IL23R: variants seen among roughly 807,000 people sequenced by gnomAD.
The protein encoded by IL23R is interleukin 23 receptor.
A neutral mutation model predicts 56.9 loss-of-function variants in IL23R; 34 were observed. The ratio of observed to expected loss-of-function variants is 0.60; its 90% CI spans 0.45 to 0.80. IL23R has a LOEUF of 0.80. Ranked by LOEUF, IL23R falls within the 30% of genes least tolerant of loss-of-function variation. The pLI, the probability that IL23R is intolerant of heterozygous loss-of-function variation, is 0.00. For missense variants in IL23R, 635 were observed against 730.0 expected (o/e 0.87, Z 1.50); for synonymous variants, 230 against 249.2 (o/e 0.92, Z 0.73).
chr1:67,166,011 A>G (rs781769725), upstream of IL23R, among the ~76,000 whole-genome samples: 36 of 152,222 alleles, frequency 2.4e-4, no homozygotes, highest in Non-Finnish European at 4.3e-4. Context: ...AACTAACTTG[A>G]TTGTATAATA....
chr1:67,150,656 A>G (rs1646720473), intron 1 of IL23R, among the ~76,000 whole-genome samples: 1 of 146,128 alleles, frequency 6.8e-6, no homozygotes, highest in African/African-American at 2.5e-5. Flanking sequence ...TTAAAGTAAA[A>G]AAAAAAAAAA....
chr1:67,217,485 A>G (rs757776995), intron 6 of IL23R, among the ~76,000 whole-genome samples: 1 of 152,060 alleles, frequency 6.6e-6, no homozygotes, highest in Non-Finnish European at 1.5e-5. Context: ...TTATCTATAA[A>G]TGTAATGGCA....
At chr1:67,188,318 C>T (rs1473064573) in intron 4 of IL23R, among the ~76,000 whole-genome samples, 1 of 152,164 alleles carries the variant, frequency 6.6e-6, no homozygotes, top group Non-Finnish European at 1.5e-5. Flanking sequence ...CTCCTGTGGA[C>T]TTCGACCTAC....
exon 1 of IL23R, chr1:67,139,050 C>G (rs1233660482): frequency 6.6e-6 from 1 of 152,300 alleles, no homozygotes; most frequent in Non-Finnish European, 1.5e-5. Context: ...AGAGTGGAGT[C>G]AATCCAGGGG....
chr1:67,188,506 T>C lies in IL23R; in HGVS notation c.491+5547T>C, dbSNP rs113979030. On this transcript the variant is annotated intron_variant, in intron 4 of 10. Transcript: ENST00000347310. ...GCCTCAGCCTCCTGTGAAATGAGGA[T>C]AATTAATGCCACAAAGCTTATAAAA... is the stretch of plus-strand genomic sequence containing the variant. Among the ~76,000 whole-genome samples the C allele has an allele frequency of 3.1e-3, 475 of 152,332 alleles. 5 individuals are homozygous for C. Among genetic ancestry groups the C allele is most frequent in the African/African-American group, 0.011 (459 of 41,578 alleles).
intron 7 of IL23R, among the ~76,000 whole-genome samples, chr1:67,227,051 G>A (rs1380387086): frequency 1.3e-5 from 2 of 152,260 alleles, no homozygotes; most frequent in East Asian, 3.8e-4. Flanking sequence ...GCTGAGAGCT[G>A]CTGAAGTTAG....
chr1:67,184,559 AAAATAAAAT>A (rs1293277640), intron 4 of IL23R, among the ~76,000 whole-genome samples: 4 of 127,148 alleles, frequency 3.1e-5, no homozygotes, highest in Non-Finnish European at 6.3e-5. Context: ...AAAAATAAAT[AAAATAAAAT>A]AAATAAAATA....
upstream of IL23R, among the ~76,000 whole-genome samples, chr1:67,162,096 C>A (rs12753394): frequency 6.6e-6 from 1 of 151,454 alleles, no homozygotes; most frequent in Admixed American, 6.6e-5. Flanking sequence ...TTAACCAAAT[C>A]TGAAAGAAAT....
intron 3 of IL23R, among the ~76,000 whole-genome samples, chr1:67,175,431 C>T (rs1385140593): frequency 6.6e-6 from 1 of 152,174 alleles, no homozygotes; most frequent in Non-Finnish European, 1.5e-5. Context: ...ACAACCATCA[C>T]CACCATTTAT....
chr1:67,187,058 T>G (rs770648622), intron 4 of IL23R, among the ~76,000 whole-genome samples: 1 of 152,240 alleles, frequency 6.6e-6, no homozygotes, highest in Non-Finnish European at 1.5e-5. Flanking sequence ...TGTACACGTT[T>G]TGTGTAGACA....
intron 9 of IL23R, among the ~76,000 whole-genome samples, chr1:67,251,127 T>C (rs545892270): frequency 7.2e-5 from 11 of 152,200 alleles, no homozygotes; most frequent in Admixed American, 5.2e-4. Context: ...AGAAAAAACC[T>C]TTTTCAGCAA....
intron 1 of IL23R, among the ~76,000 whole-genome samples, chr1:67,149,787 G>C (rs1449271164): frequency 2.0e-5 from 3 of 152,110 alleles, no homozygotes; most frequent in Non-Finnish European, 4.4e-5. Flanking sequence ...GTTTTTTAAA[G>C]TTCAGAGTAT....
intron 1 of IL23R, among the ~76,000 whole-genome samples, chr1:67,154,891 C>CTTTATATTTTGGCATG: frequency 6.6e-6 from 1 of 152,194 alleles, no homozygotes; most frequent in South Asian, 2.1e-4. Flanking sequence ...TGTCATTGGT[C>CTTTATATTTTGGCATG]TTTATATTTT....
intron 1 of IL23R, among the ~76,000 whole-genome samples, chr1:67,146,227 T>C (rs1157359334): frequency 1.3e-5 from 2 of 152,220 alleles, no homozygotes; most frequent in Non-Finnish European, 2.9e-5. Flanking sequence ...CATGTGATCA[T>C]GTCTTATGTG....
chr1:67,145,519 C>T (rs558840201), intron 1 of IL23R, among the ~76,000 whole-genome samples: 71 of 152,216 alleles, frequency 4.7e-4, no homozygotes, highest in Middle Eastern at 3.4e-3. Context: ...TTTTCTGGTC[C>T]TCATACCATT....
intron 4 of IL23R, among the ~76,000 whole-genome samples, chr1:67,190,895 T>C (rs1178244295): frequency 6.6e-6 from 1 of 152,226 alleles, no homozygotes; most frequent in Non-Finnish European, 1.5e-5. Flanking sequence ...ACAGCTTCTC[T>C]ACATGCATAT....
At chr1:67,206,886 T>A in intron 5 of IL23R, 24 bp from the exon 6 acceptor site, 2 of 1,052,258 alleles carry the variant, frequency 1.9e-6, no homozygotes, top group Non-Finnish European at 2.5e-6. Flanking sequence ...AGCCAGGTCT[T>A]TTTTTTTTTT....
intron 4 of IL23R, among the ~76,000 whole-genome samples, chr1:67,200,397 CTTT>C (rs1208404450): frequency 2.9e-5 from 4 of 137,922 alleles, no homozygotes; most frequent in African/African-American, 2.6e-5. Context: ...AACTTTTTTT[CTTT>C]TTTTTTTTTT....
chr1:67,183,003 G>T (rs762113640), intron 4 of IL23R, 44 bp downstream of exon 4: 1 of 1,611,334 alleles, frequency 6.2e-7, no homozygotes, highest in Admixed American at 1.7e-5. Flanking sequence ...TTCCACCCCA[G>T]TTCAGCCAGA....
Sources: allele counts gnomAD v4.1 joint callset (sites outside exome capture counted in the v4.1 genomes callset), GRCh38; gene constraint gnomAD v4.1.1; transcripts MANE v1.5; gene names NCBI Gene and HGNC (gene_info 2026-07-23, HGNC 2026-07-21).